INTS1: variants seen among roughly 807,000 people sequenced by gnomAD.
The protein encoded by INTS1 is integrator complex subunit 1.
INTS1 carries 137 observed loss-of-function variants against 241.6 expected under a neutral mutation model. The observed-to-expected ratio is 0.57, with a 90% CI of 0.49 to 0.65. The LOEUF is 0.65. INTS1 is among the 30% of genes least tolerant of loss of function. INTS1 has a pLI of 0.00. For missense variants in INTS1, 3,073 were observed against 3,032.2 expected, an observed-to-expected ratio of 1.01 and a Z score of -0.32; for synonymous variants, 1,692 against 1,337.8, an observed-to-expected ratio of 1.26 and a Z score of -5.78.
Position 1,483,387 on chromosome 7 carries a change from C to T in INTS1, c.3541+355G>A, listed in dbSNP as rs887584235. 4 of 377,514 alleles carry T rather than the reference C, an allele frequency of 1.1e-5. No individual in the cohort carries two copies. The East Asian group carries it at 1.8e-4, about 17-fold the overall frequency. 23.4% of individuals were successfully genotyped at this position (377,514 alleles called of 1,614,324 possible). A position where few individuals can be genotyped will look rare whatever the true frequency, so the allele number is the denominator to read the frequency against. ...ACCCACTTGCCTGGCAGCCTCATGT[C>T]GCACCTCCACACGGTGAAATCCCGA... On this transcript the variant is annotated intron_variant, in intron 26 of 47. Transcript: ENST00000404767.
chr7:1,497,297 G>T lies in INTS1; in HGVS notation c.1443C>A (p.Phe481Leu), dbSNP rs758954867. The change falls in exon 11 of 48, where the codon TTC (phenylalanine) becomes TTA (leucine). Residue 481 changes from phenylalanine (F) to leucine (L), a missense_variant. Transcript: ENST00000404767. The surrounding 1 kb of genome is among the most constrained non-coding windows in gnomAD (Gnocchi z 5.3). ...ELAPKFLAMV[F>L]QDLLTNKDDY... ...CGTCCTTGTTGGTCAGCAGGTCCTG[G>T]AACACCATGGCCAGGAACTGGGGCA... 1.9e-6 allele frequency: 3 copies of T among 1,612,702 alleles called. No homozygotes were observed. Among genetic ancestry groups the T allele is most frequent in the African/African-American group, 2.7e-5 (2 of 74,888 alleles).
chr7:1,477,621 C>A lies in INTS1; in HGVS notation c.4867G>T (p.Glu1623Ter). The A allele has an allele frequency of 6.3e-7, 1 of 1,583,448 alleles. No individual in the cohort carries two copies. Among genetic ancestry groups the A allele is most frequent in the Non-Finnish European group, 8.6e-7 (1 of 1,166,262 alleles). Reference protein sequence around the residue: ...PSSGLLVDWLEMLDPEVVSSC... With the variant: ...PSSGLLVDWL ...CTGACCACCTCGGGGTCCAGCATTT[C>A]CAGCCAGTCCACTAGGAGGCCTGAC... The change falls in exon 35 of 48, where the codon GAA (glutamate) becomes TAA (stop). Residue 1623 changes from glutamate to a stop codon, truncating the protein, a stop_gained. Transcript: ENST00000404767. LOFTEE classifies it high-confidence loss of function.
Position 1,497,242 on chromosome 7 carries a change from G to A in INTS1, c.1498C>T (p.Arg500Trp), listed in dbSNP as rs775600458. The change falls in exon 11 of 48, where the codon CGG becomes TGG. Residue 500 changes from arginine to tryptophan, a missense_variant. Transcript: ENST00000404767. The surrounding 1 kb of genome is among the most constrained non-coding windows in gnomAD (Gnocchi z 5.3). ...DYLRASRALL[R>W]EIIKQTKHEI... is the part of the protein sequence containing the mutation. ...TGCTTGGTCTGCTTGATGATCTCCC[G>A]CAGCAGGGCCCGCGAGGCCCGCAGG... The A allele has an allele frequency of 3.1e-6, 5 of 1,613,228 alleles. No individual in the cohort carries two copies. The highest frequency in any genetic ancestry group is 3.4e-6 in the Non-Finnish European group (4 of 1,179,788).
rs1445799572 is a variant in INTS1 at position 1,481,355 on chromosome 7, G to A, written c.3837C>T (p.Asn1279=). 3 of 1,613,006 alleles carry A rather than the reference G, an allele frequency of 1.9e-6. No individual in the cohort carries two copies. Among genetic ancestry groups the A allele is most frequent in the Non-Finnish European group, 2.5e-6 (3 of 1,179,770 alleles). Residue 1279 remains asparagine (N), a synonymous_variant, in exon 28 of 48, where the codon AAC becomes AAT. Coordinates refer to ENST00000404767, the MANE Select transcript of INTS1 (RefSeq NM_001080453.3). The surrounding 1 kb of genome is among the most constrained non-coding windows in gnomAD (Gnocchi z 6.8). ...CTGGCATCTTACTCTTGTCCATGAT[G>A]TTCTGCTCCAGAGTCTGGGGGTCGT... ...VAHDPQTLEQ[N]IMDKNYMAHL... is the part of the protein sequence containing the mutation.
In INTS1 at chr7:1,497,162, C is replaced by T. The variant is rs369993474; in HGVS notation, c.1578G>A (p.Pro526=). The T allele has an allele frequency of 2.1e-4, 344 of 1,607,596 alleles. No individual in the cohort carries two copies. The highest frequency in any genetic ancestry group is 2.9e-4 in the Admixed American group (17 of 59,232). The change falls in exon 11 of 48, where the codon CCG becomes CCA. Residue 526 remains proline, a synonymous_variant. Coordinates refer to ENST00000404767, the MANE Select transcript of INTS1 (RefSeq NM_001080453.3). The surrounding 1 kb of genome is among the most constrained non-coding windows in gnomAD (Gnocchi z 5.3). The part of the protein sequence containing the change: ...CLGLMQERKE[P]QYLEMEFKER... ...CCTTGAACTCCATCTCCAGGTACTG[C>T]GGCTCCTTGCGCTCCTGCATGAGCC...
At position 1,470,918 on chromosome 7, in the gene INTS1, G is replaced by C. The variant is rs1212035378; in HGVS notation, c.6385C>G (p.Leu2129Val). 1 of 1,584,322 alleles carries C rather than the reference G, an allele frequency of 6.3e-7. No homozygotes were observed. The highest frequency in any genetic ancestry group is 8.6e-7 in the Non-Finnish European group (1 of 1,166,298). The change falls in exon 47 of 48, where the codon CTG becomes GTG. Residue 2129 changes from leucine to valine, a missense_variant. By Grantham distance (32) the Leu-to-Val change is conservative. Transcript: ENST00000404767. ...ACCACCTCAAAGTCCTGGCTGCCCAGGCAGTACATGAACGTGGGCAGGAAA... is the reference window on the plus strand; with the variant it reads ...ACCACCTCAAAGTCCTGGCTGCCCACGCAGTACATGAACGTGGGCAGGAAA... The part of the protein sequence containing the change: ...AAFLPTFMYC[L>V]GSQDFEVVQT...
In INTS1 at chr7:1,499,291, T is replaced by C. The variant is rs1326526955; in HGVS notation, c.914A>G (p.Lys305Arg). 3.1e-6 allele frequency: 5 copies of C among 1,609,260 alleles called. No individual in the cohort carries two copies. Among genetic ancestry groups the C allele is most frequent in the Non-Finnish European group, 4.2e-6 (5 of 1,178,334 alleles). The change falls in exon 7 of 48, where the codon AAG becomes AGG. Residue 305 changes from lysine to arginine, a missense_variant. Transcript: ENST00000404767. ...SQTELLIAEE[K>R]LSPEQEGQLM... Reference sequence around the variant, plus strand: ...CTGGCCCTCCTGCTCGGGGCTCAGCTTCTCCTCCGCGATCAGCAACTCCGT... The same window carrying C: ...CTGGCCCTCCTGCTCGGGGCTCAGCCTCTCCTCCGCGATCAGCAACTCCGT...
intron 19 of INTS1, 35 bp downstream of exon 19, chr7:1,487,725 G>A (rs767792396): frequency 2.9e-5 from 47 of 1,599,816 alleles, no homozygotes; most frequent in Non-Finnish European, 3.9e-5. Flanking sequence ...AGGTCCCGAC[G>A]GCAGGCGCAG....
chr7:1,492,561 A>G (rs985078854), intron 16 of INTS1, among the ~76,000 whole-genome samples: 1 of 152,240 alleles, frequency 6.6e-6, no homozygotes, highest in South Asian at 2.1e-4. Context: ...GGAATTGCAC[A>G]CTTTAGATAA....
At chr7:1,491,170 C>A (rs529491476) in intron 16 of INTS1, among the ~76,000 whole-genome samples, 1 of 152,216 alleles carries the variant, frequency 6.6e-6, no homozygotes, top group African/African-American at 2.4e-5. Flanking sequence ...GCAGCCCCAG[C>A]GTCCTAGGTA....
chr7:1,471,317 C>A, intron 45 of INTS1, 93 bp from the exon 46 acceptor site: 1 of 1,308,040 alleles, frequency 7.6e-7, no homozygotes, highest in Non-Finnish European at 1.1e-6. Flanking sequence ...TTGGCGGCAA[C>A]GGCAGGGACC....
chr7:1,499,244 C>T lies in INTS1; in HGVS notation c.950+11G>A, dbSNP rs772617374. 2 of 1,608,640 alleles carry T rather than the reference C, an allele frequency of 1.2e-6. No homozygotes were observed. The highest frequency in any genetic ancestry group is 2.2e-5 in the East Asian group (1 of 44,838). ...CCGCCCCCAACTGGGACCGGGCAGG[C>T]ACGCAGCTACCTGGGCATGAGCTGG... On this transcript the variant is annotated intron_variant, in intron 7 of 47. Coordinates refer to ENST00000404767, the MANE Select transcript of INTS1 (RefSeq NM_001080453.3).
chr7:1,498,860 G>T lies in INTS1; in HGVS notation c.1138-8C>A. ...CTGGGCCGGCCGGGTCAGCTGCGGG[G>T]CCGAGGAGGGAGCAGTGGGCTCACG... On this transcript the variant is annotated splice_region_variant and splice_polypyrimidine_tract_variant and intron_variant, in intron 8 of 47. Coordinates refer to ENST00000404767, the MANE Select transcript of INTS1 (RefSeq NM_001080453.3). 3 of 1,595,848 alleles carry T rather than the reference G, an allele frequency of 1.9e-6. No homozygotes were observed. The highest frequency in any genetic ancestry group is 2.6e-6 in the Non-Finnish European group (3 of 1,172,162).
Position 1,470,554 on chromosome 7 carries a change from G to A in INTS1, c.*23C>T, listed in dbSNP as rs757430070. 33 of 1,512,538 alleles carry A rather than the reference G, an allele frequency of 2.2e-5. No homozygotes were observed. The highest frequency in any genetic ancestry group is 2.9e-5 in the Non-Finnish European group (33 of 1,120,134). 93.7% of individuals were successfully genotyped at this position (1,512,538 alleles called of 1,614,324 possible). A position where few individuals can be genotyped will look rare whatever the true frequency, so the allele number is the denominator to read the frequency against. On this transcript the variant is annotated 3_prime_UTR_variant, in exon 48 of 48. Coordinates refer to ENST00000404767, the MANE Select transcript of INTS1 (RefSeq NM_001080453.3). ...CGGGGACGGGACGGGCCGGGGCTTG[G>A]AGGGGGGTCGGCTGCCACAGGCTCA...
At position 1,480,886 on chromosome 7, in the gene INTS1, C is replaced by A. The variant is rs760798387; in HGVS notation, c.3898G>T (p.Gly1300Ter). The change falls in exon 29 of 48, where the codon GGA becomes TGA. Residue 1300 changes from glycine (G) to a stop codon, truncating the protein, a stop_gained. Coordinates refer to ENST00000404767, the MANE Select transcript of INTS1 (RefSeq NM_001080453.3). LOFTEE classifies it high-confidence loss of function. ...AGCAAGGAGTGGAAAGTCTGGCCTC[C>A]GGAGGCGCCGCGCTCATGCTGGACC... ...VEVQHERGAS[G>*]GQTFHSLLTA... The A allele has an allele frequency of 6.4e-7, 1 of 1,558,722 alleles. No homozygotes were observed. The highest frequency in any genetic ancestry group is 8.7e-7 in the Non-Finnish European group (1 of 1,152,272).
At position 1,478,398 on chromosome 7, in the gene INTS1, T is replaced by C. The variant is rs903013675; in HGVS notation, c.4598A>G (p.Gln1533Arg). Reference sequence around the variant, plus strand: ...GATCAGGTCCGGCTCCACGCTGCACTGCTCCCCAGACCTCAGGGTGGCGAT... The same window carrying C: ...GATCAGGTCCGGCTCCACGCTGCACCGCTCCCCAGACCTCAGGGTGGCGAT... Reference protein sequence around the residue: ...AVIATLRSGEQCSVEPDLISK... With the variant: ...AVIATLRSGERCSVEPDLISK... The change falls in exon 33 of 48, where the codon CAG becomes CGG. Residue 1533 changes from glutamine to arginine, a missense_variant. By Grantham distance (43) the Gln-to-Arg change is conservative. Coordinates refer to ENST00000404767, the MANE Select transcript of INTS1 (RefSeq NM_001080453.3). 1.2e-6 allele frequency: 2 copies of C among 1,612,708 alleles called. No individual in the cohort carries two copies. The highest frequency in any genetic ancestry group is 1.7e-6 in the Non-Finnish European group (2 of 1,179,814).
At position 1,474,337 on chromosome 7, in the gene INTS1, A is replaced by T. The variant is rs554860806; in HGVS notation, c.5660T>A (p.Leu1887His). 3.1e-5 allele frequency: 50 copies of T among 1,602,712 alleles called. No individual in the cohort carries two copies. Among genetic ancestry groups the T allele is most frequent in the Non-Finnish European group, 4.3e-5 (50 of 1,176,286 alleles). ...GTTGAGGTGGGTGCGGCCGTGCAGG[A>T]GCGCCGCGATCATGGGCAGGTGCCT... ...LLRHLPMIAALLHGRTHLNFQ... is the reference protein window; with the variant it reads ...LLRHLPMIAAHLHGRTHLNFQ... The change falls in exon 41 of 48, where the codon CTC becomes CAC. Residue 1887 changes from leucine (L) to histidine (H), a missense_variant. Physicochemically the swap from Leu to His is moderately conservative, Grantham distance 99. Transcript: ENST00000404767.
At chr7:1,479,842 C>T (rs901199959) in intron 30 of INTS1, among the ~76,000 whole-genome samples, 158 bp from the exon 31 acceptor site, 1 of 152,216 alleles carries the variant, frequency 6.6e-6, no homozygotes, top group Non-Finnish European at 1.5e-5. Flanking sequence ...GGGCCCAGGG[C>T]CCTTGAGACC....
In INTS1 at chr7:1,477,579, G is replaced by A; in HGVS notation, c.4909C>T (p.Gln1637Ter). Residue 1637 changes from glutamine (Q) to a stop codon, truncating the protein, a stop_gained, in exon 35 of 48, where the codon CAG becomes TAG. Coordinates refer to ENST00000404767, the MANE Select transcript of INTS1 (RefSeq NM_001080453.3). LOFTEE classifies it high-confidence loss of function. ...CTCCGGGAGAAGAGCAGCCTGAGCTGCAGGTCGGGGCAGCTGCTGACCACC... is the reference window on the plus strand; with the variant it reads ...CTCCGGGAGAAGAGCAGCCTGAGCTACAGGTCGGGGCAGCTGCTGACCACC... ...PEVVSSCPDL[Q>*]LRLLFSRRKG... The A allele has an allele frequency of 1.3e-6, 2 of 1,547,490 alleles. No individual in the cohort carries two copies. The highest frequency in any genetic ancestry group is 2.0e-5 in the Admixed American group (1 of 49,820).
Sources: allele counts gnomAD v4.1 joint callset (sites outside exome capture counted in the v4.1 genomes callset), GRCh38; gene constraint gnomAD v4.1.1; non-coding constraint Gnocchi (gnomAD v3.1); transcripts MANE v1.5; gene names NCBI Gene and HGNC (gene_info 2026-07-23, HGNC 2026-07-21).